ATP5F1E: variants seen among roughly 807,000 people sequenced by gnomAD.
ATP5F1E encodes the protein ATP synthase F(1) complex subunit epsilon, mitochondrial.
Under a neutral mutation model 7.0 loss-of-function variants are expected in ATP5F1E, and 5 were observed. The ratio of observed to expected loss-of-function variants is 0.71; its 90% confidence interval spans 0.37 to 1.49. ATP5F1E has a LOEUF of 1.49. Among genes scored for constraint, ATP5F1E ranks in the 40% most tolerant of loss-of-function variants. The pLI is 0.03. For synonymous variants in ATP5F1E, 20 were observed against 20.1 expected (o/e 0.99, Z 0.02); for missense variants, 59 against 57.1 (o/e 1.03, Z -0.11).
intron 2 of ATP5F1E, 63 bp downstream of exon 2, chr20:59,030,240 G>A: frequency 6.3e-7 from 1 of 1,594,806 alleles, no homozygotes; most frequent in Non-Finnish European, 8.6e-7. Flanking sequence ...AAATTATTTT[G>A]ATCTTTATGG....
At chr20:59,031,804 A>T (rs554507837) in intron 1 of ATP5F1E, among the ~76,000 whole-genome samples, 17 of 152,386 alleles carry the variant, frequency 1.1e-4, no homozygotes, top group Admixed American at 3.9e-4. Context: ...TTAAAGGTCA[A>T]AGCTGCTAAC....
rs988444982 is a variant in ATP5F1E at position 59,025,770 on chromosome 20, C to T, written c.*3075G>A. 2 of 152,246 alleles carry T rather than the reference C, an allele frequency of 1.3e-5. No individual in the cohort carries two copies. The highest frequency in any genetic ancestry group is 4.8e-5 in the African/African-American group (2 of 41,468). 9.4% of individuals were successfully genotyped at this position (152,246 alleles called of 1,614,324 possible). On this transcript the variant is annotated 3_prime_UTR_variant, in exon 3 of 3. Transcript: ENST00000243997. ...TTCTCAGTTATGGAGGACATCGTCT[C>T]ATTAGGGAACTTTTACAGTTCAAAT...
At chr20:59,030,557 T>C in intron 1 of ATP5F1E, 128 bp from the exon 2 acceptor site, 1 of 1,217,694 alleles carries the variant, frequency 8.2e-7, no homozygotes, top group Non-Finnish European at 1.2e-6. Context: ...TAGAATTGGA[T>C]TTAAAAATAT....
chr20:59,032,171 G>C, intron 1 of ATP5F1E, 49 bp downstream of exon 1: 1 of 1,566,866 alleles, frequency 6.4e-7, no homozygotes, highest in Non-Finnish European at 8.6e-7. Context: ...GCACCGGGAT[G>C]CGCGCGGGCC....
intron 2 of ATP5F1E, chr20:59,029,730 A>C (rs1023016332): frequency 1.2e-5 from 2 of 161,132 alleles, no homozygotes; most frequent in Admixed American, 6.0e-5. Context: ...ACATCTTTGG[A>C]AAAGTAAAAT....
intron 1 of ATP5F1E, 76 bp from the exon 2 acceptor site, chr20:59,030,505 T>A (rs866834142): frequency 6.4e-7 from 1 of 1,574,732 alleles, no homozygotes; most frequent in African/African-American, 1.3e-5. Context: ...GTTTTCGCTT[T>A]TCTTCCTGTA....
rs775039619 is a variant in ATP5F1E at position 59,026,857 on chromosome 20, G to A, written c.*1988C>T. ...AGAGCAGCAGCATCACCGAAATTTA[G>A]AGCTTATCCGATTCCTTCACTTTGC... is the stretch of plus-strand genomic sequence containing the variant. On this transcript the variant is annotated 3_prime_UTR_variant, in exon 3 of 3. Coordinates refer to ENST00000243997, the MANE Select transcript of ATP5F1E (RefSeq NM_006886.4). 1 of 152,184 alleles carries A rather than the reference G, an allele frequency of 6.6e-6. No homozygotes were observed. Among genetic ancestry groups the A allele is most frequent in the African/African-American group, 2.4e-5 (1 of 41,440 alleles). The allele number at this position is 152,184 out of a possible 1,614,324, so 9.4% of individuals were successfully genotyped here. A position where few individuals can be genotyped will look rare whatever the true frequency, so the allele number is the denominator to read the frequency against.
intron 1 of ATP5F1E, among the ~76,000 whole-genome samples, chr20:59,030,855 A>G (rs927454335): frequency 9.2e-5 from 14 of 152,262 alleles, no homozygotes; most frequent in African/African-American, 3.4e-4. Flanking sequence ...TGAGGTATAC[A>G]TAAGAGAAAA....
Position 59,030,367 on chromosome 20 carries a change from T to C in ATP5F1E, c.95A>G (p.Lys32Arg), listed in dbSNP as rs2146383085. 1 of 1,614,004 alleles carries C rather than the reference T, an allele frequency of 6.2e-7. No individual in the cohort carries two copies. The highest frequency in any genetic ancestry group is 2.2e-5 in the East Asian group (1 of 44,842). ...GCCAGAAGTCTTCTCAGCATTTGCTTTGAATTCTGTCTTCAGTGCATCTCT... is the reference window on the plus strand; with the variant it reads ...GCCAGAAGTCTTCTCAGCATTTGCTCTGAATTCTGTCTTCAGTGCATCTCT... ...AVRDALKTEFKANAEKTSGSN... is the reference protein window; with the variant it reads ...AVRDALKTEFRANAEKTSGSN... The change falls in exon 2 of 3, where the codon AAA becomes AGA. Residue 32 changes from lysine to arginine, a missense_variant. Transcript: ENST00000243997.
intron 1 of ATP5F1E, among the ~76,000 whole-genome samples, chr20:59,031,957 A>G (rs745738244): frequency 6.6e-5 from 10 of 152,254 alleles, no homozygotes; most frequent in Non-Finnish European, 1.3e-4. Flanking sequence ...TGCCATTCAC[A>G]AAGGTGTCCA....
rs182246015 is a variant in ATP5F1E at position 59,028,751 on chromosome 20, T to C, written c.*94A>G. The C allele has an allele frequency of 1.6e-3, 268 of 167,376 alleles. 1 individual carries two copies. Among genetic ancestry groups the C allele is most frequent in the African/African-American group, 5.0e-3 (207 of 41,564 alleles). The allele number at this position is 167,376 out of a possible 1,614,324, so 10.4% of individuals were successfully genotyped here. ...ATGAACAAGACAGGATTTTTTTTTT[T>C]CCCATGGAATGAGATCCTTTTCAAT... On this transcript the variant is annotated 3_prime_UTR_variant, in exon 3 of 3. Transcript: ENST00000243997.
Position 59,026,977 on chromosome 20 carries a change from C to T in ATP5F1E, c.*1868G>A, listed in dbSNP as rs2091998086. On this transcript the variant is annotated 3_prime_UTR_variant, in exon 3 of 3. Transcript: ENST00000243997. The stretch of plus-strand genomic sequence containing the variant: ...CTCATTAAGTTGGTCTGACTGGGGT[C>T]ACCTCATCACTGGGCACAGTCATCC... 1 of 152,234 alleles carries T rather than the reference C, an allele frequency of 6.6e-6. No homozygotes were observed. The highest frequency in any genetic ancestry group is 2.4e-5 in the African/African-American group (1 of 41,448). The allele number at this position is 152,234 out of a possible 1,614,324, so 9.4% of individuals were successfully genotyped here.
In ATP5F1E at chr20:59,030,475, A is replaced by G. The variant is rs751535960; in HGVS notation, c.33-46T>C. 5 of 1,608,744 alleles carry G rather than the reference A, an allele frequency of 3.1e-6. No individual in the cohort carries two copies. The Admixed American group carries it at 6.7e-5, about 21-fold the overall frequency. On this transcript the variant is annotated intron_variant, in intron 1 of 2. Transcript: ENST00000243997. ...GTATATGGTTAATTATCAATATTCC[A>G]GCCAGACAGCTGTTACTGTGTTTTC... is the stretch of plus-strand genomic sequence containing the variant.
At position 59,025,845 on chromosome 20, in the gene ATP5F1E, CACT is replaced by C. The variant is rs1159358067; in HGVS notation, c.*2997_*2999del. 1 of 152,218 alleles carries C rather than the reference CACT, an allele frequency of 6.6e-6. No individual in the cohort carries two copies. Among genetic ancestry groups the C allele is most frequent in the Non-Finnish European group, 1.5e-5 (1 of 68,036 alleles). 9.4% of individuals were successfully genotyped at this position (152,218 alleles called of 1,614,324 possible). ...GTTTGCATAATGACATAGCTTTAAG[CACT>C]ACATGATTTTAATCTGCTCACATTA... On this transcript the variant is annotated 3_prime_UTR_variant, in exon 3 of 3. Transcript: ENST00000243997.
At chr20:59,030,028 A>G (rs1010026070) in intron 2 of ATP5F1E, 2 of 366,930 alleles carry the variant, frequency 5.5e-6, no homozygotes, top group Admixed American at 3.9e-5. Flanking sequence ...AACAGGTTTA[A>G]TTCAAATACG....
chr20:59,027,606 C>T lies in ATP5F1E; in HGVS notation c.*1239G>A, dbSNP rs2092001158. On this transcript the variant is annotated 3_prime_UTR_variant, in exon 3 of 3. Transcript: ENST00000243997. The stretch of plus-strand genomic sequence containing the variant: ...TGTAATGGAGGATACTTCCTAGTAC[C>T]TTAATCTTGGGGGCCACAGCACTGA... 1 of 152,116 alleles carries T rather than the reference C, an allele frequency of 6.6e-6. No homozygotes were observed. The highest frequency in any genetic ancestry group is 1.5e-5 in the Non-Finnish European group (1 of 68,024). 9.4% of individuals were successfully genotyped at this position (152,116 alleles called of 1,614,324 possible). A position where few individuals can be genotyped will look rare whatever the true frequency, so the allele number is the denominator to read the frequency against.
Position 59,027,227 on chromosome 20 carries a change from C to A in ATP5F1E, c.*1618G>T, listed in dbSNP as rs1358158968. On this transcript the variant is annotated 3_prime_UTR_variant, in exon 3 of 3. Coordinates refer to ENST00000243997, the MANE Select transcript of ATP5F1E (RefSeq NM_006886.4). ...AATATACCATCTCTATACCAATAAT[C>A]TACCAATATACTACCAATCTACTAT... The A allele has an allele frequency of 1.3e-5, 2 of 152,194 alleles. No homozygotes were observed. The highest frequency in any genetic ancestry group is 1.3e-4 in the Admixed American group (2 of 15,286). 9.4% of individuals were successfully genotyped at this position (152,194 alleles called of 1,614,324 possible).
At chr20:59,031,967 A>AG (rs2092034654) in intron 1 of ATP5F1E, among the ~76,000 whole-genome samples, 1 of 152,260 alleles carries the variant, frequency 6.6e-6, no homozygotes. Flanking sequence ...AAAGGTGTCC[A>AG]GGGGCACTCT....
Position 59,025,841 on chromosome 20 carries a change from T to TA in ATP5F1E, c.*3003dup. 6.6e-6 allele frequency: 1 copy of TA among 152,388 alleles called. No homozygotes were observed. Among genetic ancestry groups the TA allele is most frequent in the African/African-American group, 2.4e-5 (1 of 41,596 alleles). 9.4% of individuals were successfully genotyped at this position (152,388 alleles called of 1,614,324 possible). The stretch of plus-strand genomic sequence containing the variant: ...AAATGTTTGCATAATGACATAGCTT[T>TA]AAGCACTACATGATTTTAATCTGCT... On this transcript the variant is annotated 3_prime_UTR_variant, in exon 3 of 3. Transcript: ENST00000243997.
Sources: gnomAD v4.1 joint callset for allele counts (sites outside exome capture counted in the v4.1 genomes callset) on GRCh38, gnomAD v4.1.1 for gene constraint, MANE v1.5 for transcripts, NCBI Gene and HGNC (gene_info 2026-07-23, HGNC 2026-07-21) for gene names.